Variants in OPCML observed in about 807,000 individuals in gnomAD.
OPCML encodes the protein opioid-binding protein/cell adhesion molecule.
OPCML carries 13 observed loss-of-function variants against 37.8 expected under a neutral mutation model. That is an observed-to-expected ratio of 0.34 (90% CI 0.22 to 0.55). OPCML has a LOEUF of 0.55. OPCML is among the 20% of genes least tolerant of loss of function. The probability of loss-of-function intolerance (pLI) is 0.91; values close to 1 mark genes in which losing one functional copy is unlikely to be tolerated. For synonymous variants in OPCML, 176 were observed against 168.8 expected (o/e 1.04, Z -0.33); for missense variants, 341 against 435.6 (o/e 0.78, Z 1.93).
intron 1 of OPCML, among the ~76,000 whole-genome samples, chr11:132,993,900 G>A (rs987864488): frequency 9.9e-5 from 15 of 152,102 alleles, no homozygotes; most frequent in African/African-American, 3.6e-4. Flanking sequence ...ATGGGCAAAG[G>A]GAAGGAAAAA....
rs987812712 is a variant in OPCML, at chr11:132,790,249, G to T, written c.147-132930C>A. On this transcript the variant is annotated intron_variant, in intron 2 of 7. Transcript: ENST00000524381. ...TGTTATAGAGAGAGGCTGATTAATG[G>T]GTACGAGCTTACAGTCAGATAAAAA... Among the ~76,000 whole-genome samples, 3 of 152,146 alleles carry T rather than the reference G, an allele frequency of 2.0e-5. No individual in the cohort carries two copies. In the East Asian group the frequency reaches 5.8e-4, roughly 29 times the overall value.
At chr11:132,785,703 G>A (rs1478173429) in intron 2 of OPCML, among the ~76,000 whole-genome samples, 8 of 152,152 alleles carry the variant, frequency 5.3e-5, no homozygotes, top group African/African-American at 1.9e-4. Flanking sequence ...GCTTTGTAAG[G>A]AGCCACGTGC....
At chr11:132,425,530 G>T (rs1592154814) in intron 7 of OPCML, among the ~76,000 whole-genome samples, 2 of 152,232 alleles carry the variant, frequency 1.3e-5, no homozygotes, top group East Asian at 3.8e-4. Context: ...GGATTGCTCT[G>T]AGAATGAGTT....
intron 1 of OPCML, among the ~76,000 whole-genome samples, chr11:133,432,481 T>G (rs374328051): frequency 2.0e-5 from 3 of 152,158 alleles, no homozygotes; most frequent in Non-Finnish European, 4.4e-5. Context: ...GCTCAAGTGA[T>G]CCTCCTGCCT....
chr11:132,923,079 A>AAAATAAAT (rs71477781), intron 2 of OPCML, among the ~76,000 whole-genome samples: 9,686 of 145,954 alleles, frequency 0.066, 388 homozygotes, highest in Middle Eastern at 0.17. Flanking sequence ...GTCTCAGAAA[A>AAAATAAAT]AAATAAATAA....
intron 2 of OPCML, among the ~76,000 whole-genome samples, chr11:132,667,959 T>C (rs1399854934): frequency 1.3e-5 from 2 of 152,318 alleles, no homozygotes; most frequent in East Asian, 3.9e-4. Context: ...GTTTATCCCG[T>C]GTTGGAGTAC....
chr11:132,766,845 A>C (rs1946461936), intron 2 of OPCML, among the ~76,000 whole-genome samples: 1 of 152,206 alleles, frequency 6.6e-6, no homozygotes, highest in Non-Finnish European at 1.5e-5. Context: ...AAAATTCTGA[A>C]TAATAACTGC....
intron 1 of OPCML, among the ~76,000 whole-genome samples, chr11:133,349,011 T>G (rs1477032509): frequency 6.6e-6 from 1 of 152,214 alleles, no homozygotes; most frequent in African/African-American, 2.4e-5. Context: ...GGCTTCGTCA[T>G]GGGACCTGAC....
chr11:132,780,507 T>G (rs1946972115), intron 2 of OPCML, among the ~76,000 whole-genome samples: 1 of 152,176 alleles, frequency 6.6e-6, no homozygotes, highest in African/African-American at 2.4e-5. Flanking sequence ...GACTATTGCT[T>G]GATGCTGTGG....
intron 1 of OPCML, among the ~76,000 whole-genome samples, chr11:133,476,883 G>A (rs1947251608): frequency 6.6e-6 from 1 of 152,070 alleles, no homozygotes; most frequent in Admixed American, 6.5e-5. Flanking sequence ...AAAATAAGTT[G>A]GCCATTCATA....
chr11:132,460,297 G>A (rs7114161), intron 4 of OPCML, among the ~76,000 whole-genome samples: 12,924 of 151,940 alleles, frequency 0.085, 610 homozygotes, highest in Middle Eastern at 0.16. Flanking sequence ...ACATTGATTA[G>A]TGCCAAGGCT....
intron 1 of OPCML, among the ~76,000 whole-genome samples, chr11:133,199,808 C>T (rs1016117362): frequency 3.3e-5 from 5 of 152,104 alleles, no homozygotes; most frequent in African/African-American, 9.7e-5. Flanking sequence ...GAAAATTATC[C>T]AAGTCTACTA....
At chr11:132,451,609 C>T (rs77997406) in intron 4 of OPCML, among the ~76,000 whole-genome samples, 4,628 of 152,156 alleles carry the variant, frequency 0.03, 207 homozygotes, top group East Asian at 0.17. Flanking sequence ...TGTTTAGGAG[C>T]ACTGAGGGGA....
intron 1 of OPCML, chr11:133,422,630 T>C (rs1477184589): frequency 2.1e-6 from 2 of 972,072 alleles, no homozygotes; most frequent in Admixed American, 6.2e-5. Flanking sequence ...TAGTTGAGAT[T>C]ATGGGTGTGA....
intron 3 of OPCML, among the ~76,000 whole-genome samples, chr11:132,638,904 A>G (rs10894596): frequency 0.49 from 74,980 of 151,932 alleles, 18,641 homozygotes; most frequent in Middle Eastern, 0.58. Context: ...CCTCGCGTCA[A>G]TTAAACTCTT....
At chr11:132,850,833 G>A (rs1941777060) in intron 2 of OPCML, among the ~76,000 whole-genome samples, 1 of 152,140 alleles carries the variant, frequency 6.6e-6, no homozygotes, top group African/African-American at 2.4e-5. Flanking sequence ...CTGGCTAGTT[G>A]CCTCTTCTCC....
chr11:133,027,879 A>G (rs905416750), intron 1 of OPCML, among the ~76,000 whole-genome samples: 10 of 16,792 alleles, frequency 6.0e-4, no homozygotes, highest in Non-Finnish European at 1.3e-3. Flanking sequence ...CTCCATGCCA[A>G]TAATACCCTT....
At chr11:132,662,398 T>C (rs1439407604) in intron 2 of OPCML, among the ~76,000 whole-genome samples, 1 of 141,442 alleles carries the variant, frequency 7.1e-6, no homozygotes, top group Non-Finnish European at 1.5e-5. Flanking sequence ...TTTTATATTT[T>C]GTCTTTGAAA....
Position 133,469,133 on chromosome 11 carries a change from C to G in OPCML, c.61+63131G>C, listed in dbSNP as rs528396326. On this transcript the variant is annotated intron_variant, in intron 1 of 7. Transcript: ENST00000524381. ...ATGACTAGATAAGTGTTACTTCTCT[C>G]AGAAATACTTGTATCTTTATACTCC... Among the ~76,000 whole-genome samples the G allele has an allele frequency of 3.8e-4, 58 of 152,320 alleles. 1 individual carries two copies. The South Asian group carries it at 0.012, about 30-fold the overall frequency.
Sources: gnomAD v4.1 joint callset for allele counts (sites outside exome capture counted in the v4.1 genomes callset) on GRCh38, gnomAD v4.1.1 for gene constraint, MANE v1.5 for transcripts, NCBI Gene and HGNC (gene_info 2026-07-23, HGNC 2026-07-21) for gene names.